Variants in ACER2 observed in about 807,000 individuals in gnomAD.
ACER2 encodes alkCDase 2.
In ACER2, 26 loss-of-function variants were observed where a neutral mutation model predicts 34.7. The ratio of observed to expected loss-of-function variants is 0.75; its 90% confidence interval spans 0.55 to 1.04. The LOEUF is 1.04. Among genes scored for constraint, ACER2 ranks in the 50% least tolerant of loss-of-function variants. ACER2 has a pLI of 0.00. For synonymous variants in ACER2, 138 were observed against 132.1 expected (o/e 1.04, Z -0.31); for missense variants, 352 against 340.8 (o/e 1.03, Z -0.26).
chr9:19,448,264 T>A (rs1362531998), intron 5 of ACER2, among the ~76,000 whole-genome samples: 1 of 152,190 alleles, frequency 6.6e-6, no homozygotes, highest in Admixed American at 6.5e-5. Context: ...TCCACCTGCC[T>A]TGGGCTCCCA....
chr9:19,429,314 G>C (rs1179051165), intron 3 of ACER2, among the ~76,000 whole-genome samples: 1 of 152,048 alleles, frequency 6.6e-6, no homozygotes, highest in Admixed American at 6.6e-5. Flanking sequence ...AACTATTATA[G>C]GCTAATTGTA....
In ACER2 at chr9:19,452,286, C is replaced by G. The variant is rs1317216861; in HGVS notation, c.*1650C>G. Among the ~76,000 whole-genome samples the G allele has an allele frequency of 6.6e-6, 1 of 152,140 alleles. No homozygotes were observed. Among genetic ancestry groups the G allele is most frequent in the African/African-American group, 2.4e-5 (1 of 41,402 alleles). On this transcript the variant is annotated 3_prime_UTR_variant, in exon 6 of 6. Coordinates refer to ENST00000340967, the MANE Select transcript of ACER2 (RefSeq NM_001010887.3). The stretch of plus-strand genomic sequence containing the variant: ...GGAAGGTGACGATTTTTGACACATC[C>G]AGGAACTCTTACTCTAGTTAGAATT...
chr9:19,450,557 A>T lies in ACER2; in HGVS notation c.749A>T (p.Asn250Ile), dbSNP rs377632876. 3.7e-6 allele frequency: 6 copies of T among 1,610,786 alleles called. No individual in the cohort carries two copies. The highest frequency in any genetic ancestry group is 2.7e-5 in the African/African-American group (2 of 75,000). ...EQGPVIKFWPNEKWAFIGVPY... is the reference protein window; with the variant it reads ...EQGPVIKFWPIEKWAFIGVPY... ...GGCCCTGTCATCAAGTTCTGGCCCA[A>T]TGAGAAATGGGCCTTCATTGGTGTC... Residue 250 changes from asparagine (N) to isoleucine (I), a missense_variant, in exon 6 of 6, where the codon AAT becomes ATT. Asn to Ile is a moderately radical substitution (Grantham distance 149, BLOSUM62 -3). Coordinates refer to ENST00000340967, the MANE Select transcript of ACER2 (RefSeq NM_001010887.3).
chr9:19,414,691 TACTC>T (rs1830189915), intron 1 of ACER2, among the ~76,000 whole-genome samples: 1 of 152,090 alleles, frequency 6.6e-6, no homozygotes, highest in Non-Finnish European at 1.5e-5. Flanking sequence ...TGGTCCCAGT[TACTC>T]AGGAGGCTGA....
At chr9:19,427,451 C>G (rs980126135) in intron 3 of ACER2, among the ~76,000 whole-genome samples, 1 of 152,156 alleles carries the variant, frequency 6.6e-6, no homozygotes, top group Non-Finnish European at 1.5e-5. Flanking sequence ...TTTGCTTGTA[C>G]TTCACTCCCC....
chr9:19,409,106 G>A lies in ACER2; in HGVS notation c.22G>A (p.Asp8Asn), dbSNP rs903349476. The A allele has an allele frequency of 1.2e-6, 2 of 1,600,862 alleles. No homozygotes were observed. The highest frequency in any genetic ancestry group is 1.7e-6 in the Non-Finnish European group (2 of 1,174,448). ...GGCCATGGGCGCCCCGCACTGGTGG[G>A]ACCAGCTGCAGGCTGGTAGCTCGGA... MGAPHWW[D>N]QLQAGSSEVD... The change falls in exon 1 of 6, where the codon GAC (aspartate) becomes AAC (asparagine). Residue 8 changes from aspartate (D) to asparagine (N), a missense_variant. Asp to Asn is a conservative substitution (Grantham distance 23, BLOSUM62 1). Coordinates refer to ENST00000340967, the MANE Select transcript of ACER2 (RefSeq NM_001010887.3).
At chr9:19,428,477 A>G (rs796578649) in intron 3 of ACER2, among the ~76,000 whole-genome samples, 9 of 152,200 alleles carry the variant, frequency 5.9e-5, no homozygotes, top group African/African-American at 2.2e-4. Context: ...CTTTGCTGGA[A>G]TATTCTAAAC....
chr9:19,415,425 G>T (rs545520393), intron 1 of ACER2, among the ~76,000 whole-genome samples: 1 of 152,118 alleles, frequency 6.6e-6, no homozygotes, highest in African/African-American at 2.4e-5. Context: ...AACCTGGGAG[G>T]CGGAGGTTGC....
rs1019180413 is a variant in ACER2 at position 19,432,550 on chromosome 9, A to ATGTG, written c.366-2386_366-2383dup. On this transcript the variant is annotated intron_variant, in intron 3 of 5. Coordinates refer to ENST00000340967, the MANE Select transcript of ACER2 (RefSeq NM_001010887.3). Reference sequence around the variant, plus strand: ...TAGGACCTGCAAAACCTATATATATATGTGTGTGTGTGTGGGTGTATGTGT... The same window carrying ATGTG: ...TAGGACCTGCAAAACCTATATATATATGTGTGTGTGTGTGTGTGGGTGTATGTGT... Among the ~76,000 whole-genome samples, 4 of 143,636 alleles carry ATGTG rather than the reference A, an allele frequency of 2.8e-5. No homozygotes were observed. In the South Asian group the frequency reaches 9.3e-4, roughly 33 times the overall value. The allele number at this position is 143,636 out of a possible 152,430, so 94.2% of individuals were successfully genotyped here.
chr9:19,416,250 C>A (rs1395950037), intron 1 of ACER2, among the ~76,000 whole-genome samples: 1 of 152,132 alleles, frequency 6.6e-6, no homozygotes, highest in Non-Finnish European at 1.5e-5. Flanking sequence ...AGAGGAAAGC[C>A]ATGTTTACAT....
At chr9:19,414,518 C>G (rs1370341728) in intron 1 of ACER2, among the ~76,000 whole-genome samples, 1 of 152,164 alleles carries the variant, frequency 6.6e-6, no homozygotes. Flanking sequence ...CGCAGTGGCT[C>G]ACACCTCTAA....
At chr9:19,434,926 G>C in intron 3 of ACER2, 21 bp from the exon 4 acceptor site, 1 of 1,612,720 alleles carries the variant, frequency 6.2e-7, no homozygotes, top group Non-Finnish European at 8.5e-7. Context: ...AATGGATTTG[G>C]TTTTGCTTTC....
At chr9:19,445,920 T>G (rs1039552213) in intron 4 of ACER2, among the ~76,000 whole-genome samples, 28 of 152,024 alleles carry the variant, frequency 1.8e-4, no homozygotes, top group Non-Finnish European at 4.0e-4. Flanking sequence ...TTGAGATATT[T>G]TGAAGGGAGA....
In ACER2 at chr9:19,424,825, A is replaced by T; in HGVS notation, c.349A>T (p.Ile117Phe). The T allele has an allele frequency of 6.2e-7, 1 of 1,614,174 alleles. No homozygotes were observed. The highest frequency in any genetic ancestry group is 8.5e-7 in the Non-Finnish European group (1 of 1,180,022). The change falls in exon 3 of 6, where the codon ATC becomes TTC. Residue 117 changes from isoleucine to phenylalanine, a missense_variant. By Grantham distance (21) the Ile-to-Phe change is conservative (BLOSUM62 0). Coordinates refer to ENST00000340967, the MANE Select transcript of ACER2 (RefSeq NM_001010887.3). ...MWFPRRYLPK[I>F]FRNDRGRFKV... is the part of the protein sequence containing the mutation. ...GTTCCCCAGAAGGTATCTACCAAAGATCTTTCGGAATGACCGGTAAGCTTG... is the reference window on the plus strand; with the variant it reads ...GTTCCCCAGAAGGTATCTACCAAAGTTCTTTCGGAATGACCGGTAAGCTTG...
At chr9:19,418,289 C>T (rs1437170017) in intron 1 of ACER2, among the ~76,000 whole-genome samples, 2 of 152,132 alleles carry the variant, frequency 1.3e-5, no homozygotes, top group Admixed American at 1.3e-4. Flanking sequence ...GACAGTGTGG[C>T]GATTCCTCAA....
chr9:19,420,908 C>T (rs1563875338), intron 1 of ACER2, among the ~76,000 whole-genome samples: 2 of 152,138 alleles, frequency 1.3e-5, no homozygotes, highest in Non-Finnish European at 2.9e-5. Context: ...AAAGGCCTCA[C>T]CTCTTAGTAC....
chr9:19,440,998 C>G (rs1320144324), intron 4 of ACER2, among the ~76,000 whole-genome samples: 1 of 151,880 alleles, frequency 6.6e-6, no homozygotes, highest in Admixed American at 6.6e-5. Context: ...ACCTGGCATC[C>G]TCTTCCTTCC....
chr9:19,422,113 C>G (rs1202631273), intron 1 of ACER2, among the ~76,000 whole-genome samples: 1 of 147,496 alleles, frequency 6.8e-6, no homozygotes, highest in African/African-American at 2.5e-5. Flanking sequence ...GTGAGACCAC[C>G]ATCTCTACCA....
At chr9:19,411,635 T>C (rs1360525429) in intron 1 of ACER2, among the ~76,000 whole-genome samples, 1 of 152,190 alleles carries the variant, frequency 6.6e-6, no homozygotes, top group African/African-American at 2.4e-5. Flanking sequence ...CAGTAGACTG[T>C]TATGTGGTGA....
Sources: gnomAD v4.1 joint callset for allele counts (sites outside exome capture counted in the v4.1 genomes callset) on GRCh38, gnomAD v4.1.1 for gene constraint, MANE v1.5 for transcripts, NCBI Gene and HGNC (gene_info 2026-07-23, HGNC 2026-07-21) for gene names.